The following ASB3 variants were observed in gnomAD, a reference collection of about 807,000 sequenced individuals.
ASB3 encodes ankyrin repeat and SOCS box protein 3.
Under a neutral mutation model 54.5 loss-of-function variants are expected in ASB3, and 41 were observed. The observed-to-expected ratio is 0.75, with a 90% CI of 0.59 to 0.98. The LOEUF is 0.98. Ranked by LOEUF, ASB3 falls within the 50% of genes least tolerant of loss-of-function variation. The pLI is 0.00. For synonymous variants in ASB3, 266 were observed against 221.2 expected (o/e 1.20, Z -1.80); for missense variants, 733 against 620.0 (o/e 1.18, Z -1.94).
chr2:53,760,314 G>A (rs1673073031), intron 2 of ASB3, among the ~76,000 whole-genome samples: 1 of 152,206 alleles, frequency 6.6e-6, no homozygotes, highest in Admixed American at 6.5e-5. Flanking sequence ...ACATCAGGAA[G>A]ACATTAGGAG....
At chr2:53,755,265 G>C (rs539020547) in intron 2 of ASB3, among the ~76,000 whole-genome samples, 1 of 152,322 alleles carries the variant, frequency 6.6e-6, no homozygotes, top group East Asian at 1.9e-4. Context: ...GCAATGACAA[G>C]AGTTGGCCCA....
intron 2 of ASB3, among the ~76,000 whole-genome samples, chr2:53,759,150 G>C (rs1200043644): frequency 6.6e-6 from 1 of 152,212 alleles, no homozygotes; most frequent in Non-Finnish European, 1.5e-5. Context: ...AGAAGAAAGA[G>C]AACAATTCTC....
chr2:53,741,271 A>G (rs983780114), intron 3 of ASB3, among the ~76,000 whole-genome samples: 1 of 152,234 alleles, frequency 6.6e-6, no homozygotes, highest in Non-Finnish European at 1.5e-5. Flanking sequence ...TGAAGAGACA[A>G]TTGCATTAAC....
chr2:53,690,659 T>A (rs2103714778), intron 9 of ASB3, among the ~76,000 whole-genome samples: 1 of 152,254 alleles, frequency 6.6e-6, no homozygotes, highest in African/African-American at 2.4e-5. Context: ...AAATTCCCAT[T>A]GCTACGCTTT....
chr2:53,754,167 A>G (rs941818324), intron 2 of ASB3, among the ~76,000 whole-genome samples: 1 of 152,218 alleles, frequency 6.6e-6, no homozygotes, highest in African/African-American at 2.4e-5. Context: ...AACAAAATAA[A>G]TTACATTGTA....
At chr2:53,674,983 C>T (rs566334350) in intron 9 of ASB3, among the ~76,000 whole-genome samples, 4 of 152,290 alleles carry the variant, frequency 2.6e-5, no homozygotes, top group African/African-American at 9.6e-5. Flanking sequence ...CTAGTAGTAA[C>T]ACCTGTGCTG....
intron 1 of ASB3, among the ~76,000 whole-genome samples, chr2:53,778,018 G>A (rs1558578980): frequency 1.3e-5 from 2 of 151,828 alleles, no homozygotes; most frequent in Non-Finnish European, 1.5e-5. Flanking sequence ...GTGTGGTGGC[G>A]GGCACCTGTA....
chr2:53,700,391 G>A lies in ASB3; in HGVS notation c.1118C>T (p.Pro373Leu), dbSNP rs1326389861. 2 of 1,613,920 alleles carry A rather than the reference G, an allele frequency of 1.2e-6. No homozygotes were observed. The highest frequency in any genetic ancestry group is 2.2e-5 in the East Asian group (1 of 44,876). ...YFLRKGCSLG[P>L]WNHIYEFVNH... Reference sequence around the variant, plus strand: ...TACAAATTCATATATATGGTTCCATGGTCCCAATGAGCAACCTTTCCTCAA... The same window carrying A: ...TACAAATTCATATATATGGTTCCATAGTCCCAATGAGCAACCTTTCCTCAA... The change falls in exon 8 of 10, where the codon CCA (proline) becomes CTA (leucine). Residue 373 changes from proline to leucine, a missense_variant. Pro to Leu is a moderately conservative substitution (Grantham distance 98). Transcript: ENST00000263634.
chr2:53,767,422 C>T (rs894990539), intron 1 of ASB3: 2 of 153,412 alleles, frequency 1.3e-5, no homozygotes, highest in Admixed American at 6.5e-5. Flanking sequence ...CAGAACAAAA[C>T]GTGTTTCTAG....
At chr2:53,686,880 C>A (rs1042361401) in intron 9 of ASB3, among the ~76,000 whole-genome samples, 2 of 152,232 alleles carry the variant, frequency 1.3e-5, no homozygotes, top group Middle Eastern at 3.4e-3. Flanking sequence ...TGCCACCACA[C>A]CCGGCTAATT....
intron 9 of ASB3, among the ~76,000 whole-genome samples, chr2:53,681,516 A>AT (rs1307699989): frequency 2.0e-5 from 3 of 152,114 alleles, no homozygotes; most frequent in Non-Finnish European, 4.4e-5. Context: ...TCTTTAATGC[A>AT]TTTTTATTTG....
At chr2:53,720,960 T>C (rs1201385360) in intron 5 of ASB3, among the ~76,000 whole-genome samples, 3 of 150,562 alleles carry the variant, frequency 2.0e-5, no homozygotes, top group Non-Finnish European at 4.4e-5. Flanking sequence ...CTACTAAAAA[T>C]ACAAAAAAAT....
chr2:53,778,842 G>A (rs1392434316), intron 1 of ASB3, among the ~76,000 whole-genome samples: 3 of 152,194 alleles, frequency 2.0e-5, no homozygotes, highest in African/African-American at 7.2e-5. Flanking sequence ...ATGCTGCAAT[G>A]AACATGGGAG....
intron 1 of ASB3, chr2:53,774,453 T>A: frequency 6.2e-7 from 1 of 1,602,764 alleles, no homozygotes; most frequent in South Asian, 1.1e-5. Context: ...AAGAAGCAGA[T>A]GAGCATCTTT....
At chr2:53,734,919 T>G (rs1418652629) in intron 3 of ASB3, among the ~76,000 whole-genome samples, 4 of 55,008 alleles carry the variant, frequency 7.3e-5, no homozygotes, top group South Asian at 9.4e-4. Flanking sequence ...TTTATACAAG[T>G]TTTTTTTTTT....
rs748235742 is a variant in ASB3, at chr2:53,714,504, G to A, written c.860C>T (p.Ala287Val). The A allele has an allele frequency of 1.9e-6, 3 of 1,614,222 alleles. No individual in the cohort carries two copies. Among genetic ancestry groups the A allele is most frequent in the Non-Finnish European group, 2.5e-6 (3 of 1,180,030 alleles). ...GLNKVSPVYS[A>V]VFGGHEDCLE... ...GCAATCTTCATGTCCCCCAAACACT[G>A]CTGAGTAAACAGGGCTTACTTTGTT... Residue 287 changes from alanine (A) to valine (V), a missense_variant, in exon 7 of 10, where the codon GCA (alanine) becomes GTA (valine). Physicochemically the swap from Ala to Val is moderately conservative, Grantham distance 64. Coordinates refer to ENST00000263634, the MANE Select transcript of ASB3 (RefSeq NM_016115.5).
chr2:53,680,653 T>C (rs1668322269), intron 9 of ASB3, among the ~76,000 whole-genome samples: 1 of 152,244 alleles, frequency 6.6e-6, no homozygotes, highest in Non-Finnish European at 1.5e-5. Flanking sequence ...GATACAGGCA[T>C]GCAATGCATA....
chr2:53,677,798 C>T (rs769888464), intron 9 of ASB3, among the ~76,000 whole-genome samples: 10 of 152,034 alleles, frequency 6.6e-5, no homozygotes, highest in Admixed American at 2.0e-4. Context: ...CCTCATGTTC[C>T]GAATGTGTAG....
In ASB3 at chr2:53,774,030, T is replaced by C. The variant is rs1366214467; in HGVS notation, c.-13-8445A>G. Reference sequence around the variant, plus strand: ...AGCCTGGGCAACAGACAAGACTTCATCTCAAAAACAAACAGAAAAGAATAT... The same window carrying C: ...AGCCTGGGCAACAGACAAGACTTCACCTCAAAAACAAACAGAAAAGAATAT... On this transcript the variant is annotated intron_variant, in intron 1 of 9. Coordinates refer to ENST00000263634, the MANE Select transcript of ASB3 (RefSeq NM_016115.5). 7 of 1,206,366 alleles carry C rather than the reference T, an allele frequency of 5.8e-6. No homozygotes were observed. The East Asian group carries it at 9.6e-5, about 17-fold the overall frequency. The allele number at this position is 1,206,366 out of a possible 1,614,324, so 74.7% of individuals were successfully genotyped here. A position where few individuals can be genotyped will look rare whatever the true frequency, so the allele number is the denominator to read the frequency against.
Sources: allele counts gnomAD v4.1 joint callset (sites outside exome capture counted in the v4.1 genomes callset), GRCh38; gene constraint gnomAD v4.1.1; transcripts MANE v1.5; gene names NCBI Gene and HGNC (gene_info 2026-07-23, HGNC 2026-07-21).